The following STAG1 variants were observed in gnomAD, a reference collection of about 807,000 sequenced individuals.
STAG1 encodes cohesin subunit SA-1.
Under a neutral mutation model 170.9 loss-of-function variants are expected in STAG1, and 26 were observed. The ratio of observed to expected loss-of-function variants is 0.15; its 90% CI spans 0.11 to 0.21. The LOEUF is 0.21. Among genes scored for constraint, STAG1 ranks in the 10% least tolerant of loss-of-function variants. The pLI, the probability that STAG1 is intolerant of heterozygous loss-of-function variation, is 1.00. For synonymous variants in STAG1, 514 were observed against 497.7 expected (o/e 1.03, Z -0.44); for missense variants, 964 against 1,509.5 (o/e 0.64, Z 5.99).
chr3:136,599,098 A>T (rs774217914), intron 4 of STAG1, among the ~76,000 whole-genome samples: 3 of 152,196 alleles, frequency 2.0e-5, no homozygotes, highest in African/African-American at 7.2e-5. Flanking sequence ...ACCCAAAGGA[A>T]TGTAAATCAT....
At chr3:136,476,933 G>A (rs2089766361) in intron 10 of STAG1, among the ~76,000 whole-genome samples, 1 of 151,914 alleles carries the variant, frequency 6.6e-6, no homozygotes, top group African/African-American at 2.4e-5. Context: ...TATGGTCCTA[G>A]AAAATTTTTT....
At chr3:136,440,989 G>A (rs555563473) in intron 15 of STAG1, among the ~76,000 whole-genome samples, 17 of 151,358 alleles carry the variant, frequency 1.1e-4, no homozygotes, top group African/African-American at 4.1e-4. Flanking sequence ...TTCACCTAGT[G>A]AGCAGAGGGC....
At chr3:136,376,819 T>C (rs1395267664) in intron 23 of STAG1, among the ~76,000 whole-genome samples, 1 of 151,842 alleles carries the variant, frequency 6.6e-6, no homozygotes, top group Non-Finnish European at 1.5e-5. Flanking sequence ...TGAGAGAGTT[T>C]TGCTCTTTCT....
intron 1 of STAG1, among the ~76,000 whole-genome samples, chr3:136,723,517 G>A (rs1933440961): frequency 6.6e-6 from 1 of 152,126 alleles, no homozygotes; most frequent in African/African-American, 2.4e-5. Context: ...TCTGGGAAGT[G>A]AGGAGCGTCT....
intron 3 of STAG1, among the ~76,000 whole-genome samples, chr3:136,607,253 C>T (rs1030484553): frequency 6.6e-6 from 1 of 152,130 alleles, no homozygotes; most frequent in Non-Finnish European, 1.5e-5. Flanking sequence ...AAGTTCCACT[C>T]CACCTCATTG....
chr3:136,401,901 C>G lies in STAG1; in HGVS notation c.2197-3072G>C, dbSNP rs2087337288. ...CTGGAATTACAGGCACGTGCCACCACGCCTGACTAATTTTTGTATTTTTGG... is the reference window on the plus strand; with the variant it reads ...CTGGAATTACAGGCACGTGCCACCAGGCCTGACTAATTTTTGTATTTTTGG... On this transcript the variant is annotated intron_variant, in intron 21 of 33. Transcript: ENST00000383202. 1.3e-5 allele frequency among the ~76,000 whole-genome samples: 2 copies of G among 152,058 alleles called. 1 individual carries two copies. Among genetic ancestry groups the G allele is most frequent in the South Asian group, 4.1e-4 (2 of 4,826 alleles).
chr3:136,521,477 T>G (rs1934667530), intron 6 of STAG1, 60 bp from the exon 7 acceptor site: 2 of 1,500,602 alleles, frequency 1.3e-6, no homozygotes, highest in African/African-American at 2.8e-5. Flanking sequence ...ATGAAAGCTT[T>G]TTTTTTCTTC....
intron 2 of STAG1, among the ~76,000 whole-genome samples, chr3:136,624,191 C>T (rs568130087): frequency 3.3e-5 from 5 of 151,964 alleles, no homozygotes; most frequent in South Asian, 2.1e-4. Context: ...TTCCAACTCC[C>T]GGGTTCACAC....
intron 5 of STAG1, among the ~76,000 whole-genome samples, chr3:136,545,988 T>C (rs755350650): frequency 5.3e-5 from 8 of 152,132 alleles, no homozygotes; most frequent in Non-Finnish European, 1.0e-4. Flanking sequence ...GGTTAACTAA[T>C]CTTTCAAGAC....
rs1247095907 is a variant in STAG1 at position 136,337,032 on chromosome 3, A to C, written c.*1222T>G. The C allele has an allele frequency of 3.3e-5, 5 of 152,594 alleles. No individual in the cohort carries two copies. The highest frequency in any genetic ancestry group is 9.7e-5 in the African/African-American group (4 of 41,450). 9.5% of individuals were successfully genotyped at this position (152,594 alleles called of 1,614,324 possible). A position where few individuals can be genotyped will look rare whatever the true frequency, so the allele number is the denominator to read the frequency against. ...AAAGTCTAGGCAGAATGTAACTCTA[A>C]ACCATTGTAGACTGTCCTGAAGATT... On this transcript the variant is annotated 3_prime_UTR_variant, in exon 34 of 34. Coordinates refer to ENST00000383202, the MANE Select transcript of STAG1 (RefSeq NM_005862.3).
intron 1 of STAG1, among the ~76,000 whole-genome samples, chr3:136,661,482 G>A (rs956860838): frequency 6.6e-6 from 1 of 152,008 alleles, no homozygotes; most frequent in African/African-American, 2.4e-5. Context: ...TGTCAACAAG[G>A]GAAAAATAAT....
At chr3:136,377,806 A>T in intron 22 of STAG1, 54 bp from the exon 23 acceptor site, 1 of 1,449,172 alleles carries the variant, frequency 6.9e-7, no homozygotes, top group Non-Finnish European at 9.7e-7. Context: ...CAGAAAACTG[A>T]TCTAGAAGAA....
intron 1 of STAG1, among the ~76,000 whole-genome samples, chr3:136,723,131 G>A (rs1933404248): frequency 6.6e-6 from 1 of 152,198 alleles, no homozygotes; most frequent in Non-Finnish European, 1.5e-5. Flanking sequence ...GGGAAGTGAG[G>A]AGCATCTCTG....
intron 4 of STAG1, 31 bp from the exon 5 acceptor site, chr3:136,568,892 T>A: frequency 6.6e-7 from 1 of 1,521,720 alleles, no homozygotes; most frequent in Non-Finnish European, 9.0e-7. Context: ...AATGAAAACT[T>A]CAAAAAAATT....
At chr3:136,747,177 G>A (rs10155017) in intron 1 of STAG1, among the ~76,000 whole-genome samples, 53,777 of 148,260 alleles carry the variant, frequency 0.36, 11,011 homozygotes, top group African/African-American at 0.54. Flanking sequence ...GGAGGCTGGG[G>A]CAGGAGAATC....
In STAG1 at chr3:136,367,003, A is replaced by C; in HGVS notation, c.2625T>G (p.Leu875=). The part of the protein sequence containing the change: ...RRNLLAAFSK[L]IIYDIVDMHA... The stretch of plus-strand genomic sequence containing the variant: ...GCATGTCAACAATGTCATAAATGAT[A>C]AGTTTGCTGAAAGCAGCAAGTAGAT... The change falls in exon 25 of 34, where the codon CTT becomes CTG. Residue 875 remains leucine, a synonymous_variant. Coordinates refer to ENST00000383202, the MANE Select transcript of STAG1 (RefSeq NM_005862.3). 6.2e-7 allele frequency: 1 copy of C among 1,611,128 alleles called. No individual in the cohort carries two copies. Among genetic ancestry groups the C allele is most frequent in the Non-Finnish European group, 8.5e-7 (1 of 1,177,952 alleles).
At chr3:136,396,680 A>C (rs977650890) in intron 22 of STAG1, among the ~76,000 whole-genome samples, 1 of 150,694 alleles carries the variant, frequency 6.6e-6, no homozygotes, top group African/African-American at 2.4e-5. Flanking sequence ...GGCGCCTGCC[A>C]CCACACCCAG....
chr3:136,641,063 T>C (rs1408105819), intron 1 of STAG1, among the ~76,000 whole-genome samples: 1 of 152,204 alleles, frequency 6.6e-6, no homozygotes, highest in Non-Finnish European at 1.5e-5. Flanking sequence ...GGTTTTCATA[T>C]AAATATGAAA....
intron 16 of STAG1, 48 bp from the exon 17 acceptor site, chr3:136,423,092 A>G: frequency 7.7e-7 from 1 of 1,294,900 alleles, no homozygotes; most frequent in South Asian, 1.4e-5. Flanking sequence ...TAAATTATAA[A>G]TCCAAACTGT....
Sources: gnomAD v4.1 joint callset for allele counts (sites outside exome capture counted in the v4.1 genomes callset) on GRCh38, gnomAD v4.1.1 for gene constraint, MANE v1.5 for transcripts, NCBI Gene and HGNC (gene_info 2026-07-23, HGNC 2026-07-21) for gene names.